TMEM245: variants seen among roughly 807,000 people sequenced by gnomAD.
TMEM245 encodes the protein protein CG-2.
Under a neutral mutation model 101.2 loss-of-function variants are expected in TMEM245, and 69 were observed. The ratio of observed to expected loss-of-function variants is 0.68; its 90% CI spans 0.56 to 0.83. TMEM245 has a LOEUF of 0.83. TMEM245 is among the 40% of genes least tolerant of loss of function. TMEM245 has a pLI of 0.00. For missense variants in TMEM245, 1,075 were observed against 1,092.8 expected (o/e 0.98, Z 0.23); for synonymous variants, 537 against 449.8 (o/e 1.19, Z -2.45).
intron 11 of TMEM245, among the ~76,000 whole-genome samples, chr9:109,058,005 ATT>A (rs545868479): frequency 3.7e-5 from 3 of 81,074 alleles, no homozygotes; most frequent in Non-Finnish European, 4.6e-5. Flanking sequence ...TCCTTTCCTC[ATT>A]TTTTTTTTTT....
intron 16 of TMEM245, among the ~76,000 whole-genome samples, chr9:109,035,133 G>C (rs1828080824): frequency 7.0e-6 from 1 of 143,596 alleles, no homozygotes; most frequent in Non-Finnish European, 1.5e-5. Flanking sequence ...CTCCAGCCTG[G>C]GTGATAGAGG....
At chr9:109,043,108 T>C (rs1008180819) in intron 14 of TMEM245, among the ~76,000 whole-genome samples, 2 of 152,194 alleles carry the variant, frequency 1.3e-5, no homozygotes, top group African/African-American at 4.8e-5. Flanking sequence ...GTCTCTAGGG[T>C]TCTTTGGAAC....
In TMEM245 at chr9:109,065,447, A is replaced by C. The variant is rs192266785; in HGVS notation, c.1533-880T>G. Among the ~76,000 whole-genome samples the C allele has an allele frequency of 9.2e-5, 14 of 152,308 alleles. No individual in the cohort carries two copies. In the East Asian group the frequency reaches 2.7e-3, roughly 29 times the overall value. ...TAATCTAAGGAAGTGAAGAAATCAG[A>C]AAGAATGCAGGAAATGAAGAAGGTG... On this transcript the variant is annotated intron_variant, in intron 9 of 17. Transcript: ENST00000374586.
intron 17 of TMEM245, among the ~76,000 whole-genome samples, chr9:109,024,568 T>C (rs1827740059): frequency 6.6e-6 from 1 of 152,224 alleles, no homozygotes; most frequent in Non-Finnish European, 1.5e-5. Context: ...AAGTGTAAGA[T>C]ACCACAGGGA....
At chr9:109,083,750 A>T (rs1829738716) in intron 7 of TMEM245, among the ~76,000 whole-genome samples, 1 of 151,740 alleles carries the variant, frequency 6.6e-6, no homozygotes, top group Non-Finnish European at 1.5e-5. Context: ...TAGTGCAAAT[A>T]ATCAATACTA....
At chr9:109,103,927 A>G (rs1395150405) in intron 3 of TMEM245, among the ~76,000 whole-genome samples, 1 of 151,902 alleles carries the variant, frequency 6.6e-6, no homozygotes, top group South Asian at 2.1e-4. Flanking sequence ...CTCTACAACA[A>G]TACAAATATT....
chr9:109,034,108 G>C (rs75071448), intron 16 of TMEM245, among the ~76,000 whole-genome samples: 1 of 152,088 alleles, frequency 6.6e-6, no homozygotes, highest in African/African-American at 2.4e-5. Context: ...TTATGTAAGC[G>C]GAATGAAATA....
chr9:109,118,154 A>C (rs1830779964), intron 1 of TMEM245, among the ~76,000 whole-genome samples: 1 of 152,308 alleles, frequency 6.6e-6, no homozygotes, highest in African/African-American at 2.4e-5. Flanking sequence ...TCCTTTTTTA[A>C]ACCTCTCACA....
intron 1 of TMEM245, among the ~76,000 whole-genome samples, chr9:109,109,955 A>G (rs1289899634): frequency 6.6e-6 from 1 of 152,146 alleles, no homozygotes; most frequent in Admixed American, 6.5e-5. Flanking sequence ...GGGTGGTAAA[A>G]TTTTGTTTTT....
intron 14 of TMEM245, among the ~76,000 whole-genome samples, chr9:109,043,307 G>A (rs1268916216): frequency 6.6e-5 from 10 of 152,102 alleles, no homozygotes; most frequent in Non-Finnish European, 1.3e-4. Context: ...ATTCCCTAAA[G>A]GTGACCATGT....
chr9:109,056,441 A>C (rs1287123861), intron 12 of TMEM245, among the ~76,000 whole-genome samples: 7 of 57,826 alleles, frequency 1.2e-4, no homozygotes, highest in African/African-American at 9.4e-4. Flanking sequence ...CTAAAAATGC[A>C]AAAAAAAAAA....
chr9:109,038,962 C>T (rs1021885952), intron 14 of TMEM245: 2 of 152,258 alleles, frequency 1.3e-5, no homozygotes, highest in African/African-American at 2.4e-5. Flanking sequence ...TCATAAAAAC[C>T]TGGACTCTAT....
chr9:109,088,622 A>G (rs2132555715), intron 5 of TMEM245, among the ~76,000 whole-genome samples: 1 of 152,076 alleles, frequency 6.6e-6, no homozygotes, highest in Middle Eastern at 3.4e-3. Flanking sequence ...GATCGAGACC[A>G]TCCTGGCTAA....
In TMEM245 at chr9:109,087,196, A is replaced by G. The variant is rs1326150489; in HGVS notation, c.1297T>C (p.Phe433Leu). The G allele has an allele frequency of 6.2e-7, 1 of 1,608,370 alleles. No individual in the cohort carries two copies. The highest frequency in any genetic ancestry group is 8.5e-7 in the Non-Finnish European group (1 of 1,178,676). ...APWPIVGLGKFLLKVDSKLWH... is the reference protein window; with the variant it reads ...APWPIVGLGKLLLKVDSKLWH... ...ACCTTGCTATCAACTTTTAACAAGA[A>G]TTTTCCAAGCCCGACAATGGGCCAA... is the stretch of plus-strand genomic sequence containing the variant. Residue 433 changes from phenylalanine to leucine, a missense_variant, in exon 6 of 18, where the codon TTC becomes CTC. Phe to Leu is a conservative substitution (Grantham distance 22, BLOSUM62 0). This residue lies in a region of TMEM245 where 808 missense variants were observed against 741.5 expected (regional missense o/e 1.09). Coordinates refer to ENST00000374586, the MANE Select transcript of TMEM245 (RefSeq NM_032012.4).
chr9:109,057,908 T>C (rs966954040), intron 11 of TMEM245, among the ~76,000 whole-genome samples: 24 of 148,338 alleles, frequency 1.6e-4, no homozygotes, highest in African/African-American at 5.9e-4. Flanking sequence ...TACAACACAC[T>C]AAACAGCATT....
At position 109,018,261 on chromosome 9, in the gene TMEM245, A is replaced by G. The variant is rs1827507697; in HGVS notation, c.*2199T>C. On this transcript the variant is annotated 3_prime_UTR_variant, in exon 18 of 18. Transcript: ENST00000374586. ...ACCAGTATATAATTAACAAAAACAAATGATTTTTTAGCCTTTTAATGCAAA... is the reference window on the plus strand; with the variant it reads ...ACCAGTATATAATTAACAAAAACAAGTGATTTTTTAGCCTTTTAATGCAAA... The G allele has an allele frequency of 6.6e-6, 1 of 152,242 alleles. No individual in the cohort carries two copies. The highest frequency in any genetic ancestry group is 1.5e-5 in the Non-Finnish European group (1 of 68,046). 9.4% of individuals were successfully genotyped at this position (152,242 alleles called of 1,614,324 possible). A position where few individuals can be genotyped will look rare whatever the true frequency, so the allele number is the denominator to read the frequency against.
Position 109,036,224 on chromosome 9 carries a change from A to G in TMEM245, c.2381T>C (p.Ile794Thr). 6.2e-7 allele frequency: 1 copy of G among 1,611,320 alleles called. No homozygotes were observed. Among genetic ancestry groups the G allele is most frequent in the Non-Finnish European group, 8.5e-7 (1 of 1,179,482 alleles). Residue 794 changes from isoleucine to threonine, a missense_variant, in exon 16 of 18, where the codon ATC becomes ACC. By Grantham distance (89) the Ile-to-Thr change is moderately conservative (BLOSUM62 -1). This residue lies in a region of TMEM245 where 267 missense variants were observed against 351.3 expected (regional missense o/e 0.76). Coordinates refer to ENST00000374586, the MANE Select transcript of TMEM245 (RefSeq NM_032012.4). ...LLPTYFVDTA[I>T]YSDISGGGHP... is the part of the protein sequence containing the mutation. Reference sequence around the variant, plus strand: ...TACTTACCCTGATATGTCAGAGTAGATTGCAGTATCTACAAAGTATGTTGG... The same window carrying G: ...TACTTACCCTGATATGTCAGAGTAGGTTGCAGTATCTACAAAGTATGTTGG...
chr9:109,049,626 A>G (rs1208030699), intron 14 of TMEM245, among the ~76,000 whole-genome samples: 21 of 152,154 alleles, frequency 1.4e-4, no homozygotes, highest in Non-Finnish European at 7.3e-5. Context: ...TAGGAGTTTG[A>G]GACCAGCCTG....
intron 14 of TMEM245, chr9:109,042,399 A>C (rs1194124887): frequency 6.6e-6 from 1 of 152,250 alleles, no homozygotes; most frequent in Non-Finnish European, 1.5e-5. Flanking sequence ...AGGCTAGCCA[A>C]GTAAAGCAGT....
Sources: allele counts gnomAD v4.1 joint callset (sites outside exome capture counted in the v4.1 genomes callset), GRCh38; gene constraint gnomAD v4.1.1; regional missense constraint gnomAD v4.1.1; transcripts MANE v1.5; gene names NCBI Gene and HGNC (gene_info 2026-07-23, HGNC 2026-07-21).